SUSD6: variants seen among roughly 807,000 people sequenced by gnomAD.
The protein encoded by SUSD6 is sushi domain-containing protein 6.
SUSD6 carries 16 observed loss-of-function variants against 28.4 expected under a neutral mutation model. That is an observed-to-expected ratio of 0.56 (90% CI 0.38 to 0.86). SUSD6 has a LOEUF of 0.86. Ranked by LOEUF, SUSD6 falls within the 40% of genes least tolerant of loss-of-function variation. SUSD6 has a pLI of 0.00. For missense variants in SUSD6, 341 were observed against 384.2 expected, an observed-to-expected ratio of 0.89 and a Z score of 0.94; for synonymous variants, 147 against 159.6, an observed-to-expected ratio of 0.92 and a Z score of 0.59.
chr14:69,668,861 C>T (rs77428911), intron 2 of SUSD6, among the ~76,000 whole-genome samples: 1 of 151,686 alleles, frequency 6.6e-6, no homozygotes, highest in South Asian at 2.1e-4. Flanking sequence ...CCTCCACTTT[C>T]TCCCTTTCGT....
At chr14:69,669,152 C>G (rs1885792665) in intron 2 of SUSD6, among the ~76,000 whole-genome samples, 1 of 148,632 alleles carries the variant, frequency 6.7e-6, no homozygotes, top group African/African-American at 2.5e-5. Flanking sequence ...CAACCTCCAC[C>G]TCCCAGGTTC....
intron 2 of SUSD6, among the ~76,000 whole-genome samples, chr14:69,661,863 A>G (rs1313057185): frequency 6.6e-6 from 1 of 152,070 alleles, no homozygotes; most frequent in Non-Finnish European, 1.5e-5. Flanking sequence ...GCAGTGGTAC[A>G]ATCATAGCTC....
intron 2 of SUSD6, among the ~76,000 whole-genome samples, chr14:69,702,464 A>AC (rs748515276): frequency 1.1e-4 from 16 of 152,278 alleles, no homozygotes; most frequent in Non-Finnish European, 2.2e-4. Context: ...CATTACTGCA[A>AC]CTTACCAGGG....
In SUSD6 at chr14:69,645,129, G is replaced by A. The variant is rs144152687; in HGVS notation, c.-80-13384G>A. 7.2e-4 allele frequency among the ~76,000 whole-genome samples: 110 copies of A among 152,316 alleles called. 1 individual carries two copies. The South Asian group carries it at 0.015, about 21-fold the overall frequency. On this transcript the variant is annotated intron_variant, in intron 1 of 5. Coordinates refer to ENST00000342745, the MANE Select transcript of SUSD6 (RefSeq NM_014734.4). Reference sequence around the variant, plus strand: ...GGCTTCCTGGAAGTTACACAAGATGGAGAATATTTGGAGCCAGAAGACAGG... The same window carrying A: ...GGCTTCCTGGAAGTTACACAAGATGAAGAATATTTGGAGCCAGAAGACAGG...
chr14:69,711,161 G>A lies in SUSD6; in HGVS notation c.*182G>A, dbSNP rs1210298246. 3.3e-6 allele frequency: 2 copies of A among 606,380 alleles called. No individual in the cohort carries two copies. The highest frequency in any genetic ancestry group is 5.9e-6 in the Non-Finnish European group (2 of 341,576). 37.6% of individuals were successfully genotyped at this position (606,380 alleles called of 1,614,324 possible). A position where few individuals can be genotyped will look rare whatever the true frequency, so the allele number is the denominator to read the frequency against. On this transcript the variant is annotated 3_prime_UTR_variant, in exon 6 of 6. Transcript: ENST00000342745. ...TGCTGGAAACTCAAGGAAGATTCTC[G>A]CCATCTGCCTGTTGGACAGCTGGAG...
intron 2 of SUSD6, among the ~76,000 whole-genome samples, chr14:69,682,544 T>TA (rs997557080): frequency 2.3e-4 from 35 of 150,902 alleles, no homozygotes; most frequent in African/African-American, 5.8e-4. Flanking sequence ...TCTCCCCAAT[T>TA]AAAAAAAAAC....
chr14:69,667,337 T>C (rs911837721), intron 2 of SUSD6, among the ~76,000 whole-genome samples: 1 of 149,796 alleles, frequency 6.7e-6, no homozygotes, highest in African/African-American at 2.5e-5. Context: ...CCACTAAGGC[T>C]CCTTGATAAC....
At chr14:69,614,445 C>T (rs190175084) in intron 1 of SUSD6, among the ~76,000 whole-genome samples, 1 of 152,202 alleles carries the variant, frequency 6.6e-6, no homozygotes, top group African/African-American at 2.4e-5. Context: ...GCAGCAATTC[C>T]TGCAGCAGCC....
At chr14:69,622,408 TC>T (rs1354752600) in intron 1 of SUSD6, among the ~76,000 whole-genome samples, 1 of 152,128 alleles carries the variant, frequency 6.6e-6, no homozygotes, top group Non-Finnish European at 1.5e-5. Context: ...ACTCAAGTGA[TC>T]CGCCTGCCTC....
intron 2 of SUSD6, among the ~76,000 whole-genome samples, chr14:69,673,285 T>G (rs990880762): frequency 2.0e-5 from 3 of 152,324 alleles, no homozygotes; most frequent in Middle Eastern, 3.4e-3. Flanking sequence ...CCCCAGAGTT[T>G]CTGGTTCAGT....
At position 69,702,398 on chromosome 14, in the gene SUSD6, G is replaced by A. The variant is rs80036157; in HGVS notation, c.122-997G>A. ...GCAGTGTCAGTCCAGAGTGGAATCA[G>A]AGGTTGTCCTTTTCCTCCTCAGGTC... On this transcript the variant is annotated intron_variant, in intron 2 of 5. Coordinates refer to ENST00000342745, the MANE Select transcript of SUSD6 (RefSeq NM_014734.4). 4.6e-3 allele frequency among the ~76,000 whole-genome samples: 695 copies of A among 152,260 alleles called. 35 individuals carry two copies. The East Asian group carries it at 0.094, about 21-fold the overall frequency.
chr14:69,624,006 T>C (rs908441444), intron 1 of SUSD6, among the ~76,000 whole-genome samples: 9 of 152,232 alleles, frequency 5.9e-5, no homozygotes, highest in Non-Finnish European at 1.0e-4. Context: ...GTTTATAAAG[T>C]CTACAGTAAT....
At chr14:69,647,608 G>A (rs983307996) in intron 1 of SUSD6, among the ~76,000 whole-genome samples, 1 of 151,712 alleles carries the variant, frequency 6.6e-6, no homozygotes, top group South Asian at 2.1e-4. Flanking sequence ...GTATTTAACC[G>A]TTTTGCCAAG....
chr14:69,672,728 G>A (rs1383962775), intron 2 of SUSD6, among the ~76,000 whole-genome samples: 1 of 152,190 alleles, frequency 6.6e-6, no homozygotes, highest in Non-Finnish European at 1.5e-5. Flanking sequence ...GTCCTGCTCA[G>A]GCCAGTTTTG....
rs780496204 is a variant in SUSD6 at position 69,703,589 on chromosome 14, G to C, written c.316G>C (p.Glu106Gln). ...CATGGAGATTAGCTGCCGTCTCAAC[G>C]AGGGTCAGTCTGGCAGATGAAAAAG... ...PAMEISCRLN[E>Q]DKDTHTSLGV... The change falls in exon 3 of 6, where the codon GAG becomes CAG. Residue 106 changes from glutamate to glutamine, a missense_variant. By Grantham distance (29) the Glu-to-Gln change is conservative. Transcript: ENST00000342745. 3 of 1,613,928 alleles carry C rather than the reference G, an allele frequency of 1.9e-6. No homozygotes were observed. The African/African-American group carries it at 4.0e-5, about 22-fold the overall frequency.
At chr14:69,678,272 T>C (rs979477776) in intron 2 of SUSD6, among the ~76,000 whole-genome samples, 23 of 151,330 alleles carry the variant, frequency 1.5e-4, no homozygotes, top group African/African-American at 5.3e-4. Context: ...TTACCTGCAG[T>C]ATAGCATTCC....
At chr14:69,655,360 A>G (rs190150164) in intron 1 of SUSD6, among the ~76,000 whole-genome samples, 58 of 152,268 alleles carry the variant, frequency 3.8e-4, no homozygotes, top group Non-Finnish European at 6.8e-4. Flanking sequence ...TTTTGCCTTT[A>G]CAAACAATAC....
At chr14:69,703,320 A>G (rs1886338274) in intron 2 of SUSD6, 75 bp from the exon 3 acceptor site, 2 of 1,196,218 alleles carry the variant, frequency 1.7e-6, no homozygotes, top group Non-Finnish European at 2.4e-6. Flanking sequence ...AGAGGCCTTC[A>G]GAGCTGCGTC....
rs79298085 is a variant in SUSD6, at chr14:69,708,407, C to T, written c.459-270C>T. Among the ~76,000 whole-genome samples, 252 of 152,220 alleles carry T rather than the reference C, an allele frequency of 1.7e-3. 1 individual carries two copies. Among genetic ancestry groups the T allele is most frequent in the African/African-American group, 5.7e-3 (235 of 41,532 alleles). On this transcript the variant is annotated intron_variant, in intron 4 of 5. Coordinates refer to ENST00000342745, the MANE Select transcript of SUSD6 (RefSeq NM_014734.4). Reference sequence around the variant, plus strand: ...CACAGTTTTTGGAGGCTGATGGAACCGGATTCAAATCCTAGCTCCATCCTT... The same window carrying T: ...CACAGTTTTTGGAGGCTGATGGAACTGGATTCAAATCCTAGCTCCATCCTT...
Sources: gnomAD v4.1 joint callset for allele counts (sites outside exome capture counted in the v4.1 genomes callset) on GRCh38, gnomAD v4.1.1 for gene constraint, MANE v1.5 for transcripts, NCBI Gene and HGNC (gene_info 2026-07-23, HGNC 2026-07-21) for gene names.